Variants in COL5A1 observed in about 807,000 individuals in gnomAD.
COL5A1 encodes the protein collagen alpha-1(V) chain.
In COL5A1, 16 loss-of-function variants were observed where a neutral mutation model predicts 263.7. That is an observed-to-expected ratio of 0.06 (90% CI 0.04 to 0.09). COL5A1 has a LOEUF of 0.09. Ranked by LOEUF, COL5A1 falls within the 10% of genes least tolerant of loss-of-function variation. The probability of loss-of-function intolerance (pLI) is 1.00; values close to 1 mark genes in which losing one functional copy is unlikely to be tolerated. For missense variants in COL5A1, 2,036 were observed against 2,540.5 expected (o/e 0.80, Z 4.27); for synonymous variants, 1,012 against 1,004.5 (o/e 1.01, Z -0.14).
chr9:134,732,550 C>A, intron 9 of COL5A1: 1 of 297,806 alleles, frequency 3.4e-6, no homozygotes, highest in South Asian at 4.5e-5. Context: ...AACACGTGGT[C>A]GTACCTCTCT....
At chr9:134,798,549 T>G in intron 37 of COL5A1, 88 bp downstream of exon 37, 1 of 1,288,140 alleles carries the variant, frequency 7.8e-7, no homozygotes, top group East Asian at 2.5e-5. Context: ...CAGCGCCATC[T>G]AGGACCCTCC....
At position 134,843,101 on chromosome 9, in the gene COL5A1, A is replaced by G. The variant is rs961949543; in HGVS notation, c.*798A>G. ...CGGGGCAGCAAGAATTTATGCTGCC[A>G]TTGAAAAGCAGGTACCAGTGCCCCT... On this transcript the variant is annotated 3_prime_UTR_variant, in exon 66 of 66. Coordinates refer to ENST00000371817, the MANE Select transcript of COL5A1 (RefSeq NM_000093.5). The G allele has an allele frequency of 2.0e-5, 3 of 150,754 alleles. No homozygotes were observed. Among genetic ancestry groups the G allele is most frequent in the African/African-American group, 4.9e-5 (2 of 40,498 alleles). The allele number at this position is 150,754 out of a possible 1,614,324, so 9.3% of individuals were successfully genotyped here. A position where few individuals can be genotyped will look rare whatever the true frequency, so the allele number is the denominator to read the frequency against.
intron 26 of COL5A1, 69 bp downstream of exon 26, chr9:134,772,903 G>C: frequency 6.7e-7 from 1 of 1,485,506 alleles, no homozygotes. Context: ...TCTGGGCTCA[G>C]CCTCTGCTCA....
chr9:134,685,908 A>G (rs943126441), intron 1 of COL5A1, among the ~76,000 whole-genome samples: 3 of 140,924 alleles, frequency 2.1e-5, no homozygotes, highest in Admixed American at 1.4e-4. Context: ...GCCACCATCC[A>G]TCCATCCATT....
At position 134,729,228 on chromosome 9, in the gene COL5A1, T is replaced by G. The variant is rs559831549; in HGVS notation, c.924+421T>G. Among the ~76,000 whole-genome samples the G allele has an allele frequency of 4.1e-3, 630 of 152,212 alleles. 3 individuals are homozygous for G. Among genetic ancestry groups the G allele is most frequent in the Non-Finnish European group, 5.7e-3 (387 of 67,996 alleles). On this transcript the variant is annotated intron_variant, in intron 6 of 65. Coordinates refer to ENST00000371817, the MANE Select transcript of COL5A1 (RefSeq NM_000093.5). ...GCAGTCTGAGGTCGGCCTCGGGTCC[T>G]CCCCGCTCTGGGCTGTCATCCCCTC... is the stretch of plus-strand genomic sequence containing the variant.
At chr9:134,688,269 C>T (rs1296686476) in intron 1 of COL5A1, among the ~76,000 whole-genome samples, 1 of 152,174 alleles carries the variant, frequency 6.6e-6, no homozygotes, top group Non-Finnish European at 1.5e-5. Context: ...CTGGGAAGAG[C>T]ATCACGGGCT....
At chr9:134,646,031 C>G (rs1831464891) in intron 1 of COL5A1, among the ~76,000 whole-genome samples, 1 of 151,910 alleles carries the variant, frequency 6.6e-6, no homozygotes. Context: ...CCCTCCATCC[C>G]TTCTCTTTTT....
chr9:134,834,099 G>A (rs1205434876), intron 64 of COL5A1, among the ~76,000 whole-genome samples: 1 of 152,114 alleles, frequency 6.6e-6, no homozygotes, highest in Non-Finnish European at 1.5e-5. Context: ...TGCTGTCCAG[G>A]GCTCAGGGAG....
At chr9:134,723,878 G>T (rs76936672) in intron 4 of COL5A1, among the ~76,000 whole-genome samples, 6,722 of 152,316 alleles carry the variant, frequency 0.044, 364 homozygotes, top group South Asian at 0.13. Context: ...GGGTGGGCTT[G>T]GGGAGGGTTC....
At chr9:134,759,751 GCA>G (rs1229441806) in intron 18 of COL5A1, among the ~76,000 whole-genome samples, 3 of 51,986 alleles carry the variant, frequency 5.8e-5, no homozygotes, top group Non-Finnish European at 9.3e-5. Context: ...CACCACACAT[GCA>G]CACACACCCA....
intron 4 of COL5A1, chr9:134,708,444 C>T: frequency 2.4e-6 from 1 of 423,252 alleles, no homozygotes; most frequent in Non-Finnish European, 4.7e-6. Context: ...GGTGCACCTG[C>T]ACTGACACAG....
In COL5A1 at chr9:134,824,656, G is replaced by T; in HGVS notation, c.4755G>T (p.Arg1585=). 1 of 1,614,190 alleles carries T rather than the reference G, an allele frequency of 6.2e-7. No homozygotes were observed. Residue 1585 remains arginine (R), a synonymous_variant, in exon 62 of 66, where the codon CGG becomes CGT. Transcript: ENST00000371817. ...PLPIQASRTR[R]NIDASQLLDD... is the part of the protein sequence containing the mutation. ...CAATCCAGGCATCCAGGACGCGGCG[G>T]AACATCGACGCCAGCCAGCTGCTGG... is the stretch of plus-strand genomic sequence containing the variant.
rs543917974 is a variant in COL5A1 at position 134,740,353 on chromosome 9, C to G, written c.1494+1545C>G. Among the ~76,000 whole-genome samples, 106 of 152,340 alleles carry G rather than the reference C, an allele frequency of 7.0e-4. No individual in the cohort carries two copies. In the South Asian group the frequency reaches 0.021, roughly 30 times the overall value. On this transcript the variant is annotated intron_variant, in intron 11 of 65. Transcript: ENST00000371817. Reference sequence around the variant, plus strand: ...AGCTCGCTCTGGAGACCCCTTCCCCCAGATTCGCGTGAGATGGGGCAACGG... The same window carrying G: ...AGCTCGCTCTGGAGACCCCTTCCCCGAGATTCGCGTGAGATGGGGCAACGG...
Position 134,818,949 on chromosome 9 carries a change from C to T in COL5A1, c.4392+48C>T, listed in dbSNP as rs376828569. 14 of 1,612,938 alleles carry T rather than the reference C, an allele frequency of 8.7e-6. No individual in the cohort carries two copies. The African/African-American group carries it at 1.2e-4, about 14-fold the overall frequency. On this transcript the variant is annotated intron_variant, in intron 56 of 65. Coordinates refer to ENST00000371817, the MANE Select transcript of COL5A1 (RefSeq NM_000093.5). This position sits in a 1 kb window ranked among gnomAD's most constrained non-coding sequence, Gnocchi z 6.0. ...AGCATAGCGGGTGGGATGACTTCGC[C>T]ACCCAAAGCCCCAAGGATGAGGACT...
At chr9:134,778,069 G>T (rs904234951) in intron 27 of COL5A1, among the ~76,000 whole-genome samples, 2 of 152,156 alleles carry the variant, frequency 1.3e-5, no homozygotes, top group Non-Finnish European at 2.9e-5. Context: ...TCTTGGTGGG[G>T]TTCTGGGGCT....
At chr9:134,823,599 T>A in intron 61 of COL5A1, 130 bp downstream of exon 61, 1 of 942,880 alleles carries the variant, frequency 1.1e-6, no homozygotes, top group Non-Finnish European at 1.6e-6. Context: ...CCGGGCCTTG[T>A]CCCTCGCACG....
chr9:134,707,598 C>T (rs4548258), intron 4 of COL5A1, among the ~76,000 whole-genome samples: 41,452 of 151,558 alleles, frequency 0.27, 6,051 homozygotes, highest in Non-Finnish European at 0.34. Flanking sequence ...TCCCCCAGGG[C>T]GTCAGGCCCT....
In COL5A1 at chr9:134,750,783, C is replaced by T. The variant is rs566717644; in HGVS notation, c.1570-7C>T. ...CTCCCAGAGTGACCCTTGTCTTACA[C>T]TTGCAGTTCCGGTTTGGAGGTGGCG... On this transcript the variant is annotated splice_polypyrimidine_tract_variant and splice_region_variant and intron_variant, in intron 12 of 65. Transcript: ENST00000371817. The T allele has an allele frequency of 1.5e-5, 24 of 1,613,280 alleles. No individual in the cohort carries two copies. In the African/African-American group the frequency reaches 2.4e-4, roughly 16 times the overall value.
At chr9:134,767,271 C>A in intron 23 of COL5A1, 39 bp from the exon 24 acceptor site, 1 of 1,596,832 alleles carries the variant, frequency 6.3e-7, no homozygotes. Context: ...AGTCAATCAG[C>A]GCCCTCACCT....
Sources: gnomAD v4.1 joint callset for allele counts (sites outside exome capture counted in the v4.1 genomes callset) on GRCh38, gnomAD v4.1.1 for gene constraint, Gnocchi (gnomAD v3.1) non-coding constraint, MANE v1.5 for transcripts, NCBI Gene and HGNC (gene_info 2026-07-23, HGNC 2026-07-21) for gene names.